ECM2: variants seen among roughly 807,000 people sequenced by gnomAD.
The protein encoded by ECM2 is extracellular matrix protein 2, female organ and adipocyte specific.
A neutral mutation model predicts 67.5 loss-of-function variants in ECM2; 57 were observed. That is an observed-to-expected ratio of 0.84 (90% CI 0.68 to 1.05). ECM2 has a LOEUF of 1.05. ECM2 is among the 50% of genes least tolerant of loss of function. The pLI is 0.00. For synonymous variants in ECM2, 258 were observed against 294.5 expected, an observed-to-expected ratio of 0.88 and a Z score of 1.27; for missense variants, 741 against 822.8, an observed-to-expected ratio of 0.90 and a Z score of 1.22.
chr9:92,518,127 T>C (rs1847839537), intron 2 of ECM2, among the ~76,000 whole-genome samples: 1 of 152,186 alleles, frequency 6.6e-6, no homozygotes, highest in Non-Finnish European at 1.5e-5. Context: ...TGAACTGCGC[T>C]TCCATTTTGT....
At chr9:92,544,162 A>G in the ECM2 span, among the ~76,000 whole-genome samples, 1 of 152,096 alleles carries the variant, frequency 6.6e-6, no homozygotes, top group African/African-American at 2.4e-5. Context: ...ATGACATATT[A>G]ACTGTGCACT....
At chr9:92,544,424 C>G in the ECM2 span, among the ~76,000 whole-genome samples, 1 of 152,126 alleles carries the variant, frequency 6.6e-6, no homozygotes, top group African/African-American at 2.4e-5. Flanking sequence ...TGCAGCGAGC[C>G]ACGATTGCAC....
chr9:92,520,354 A>G (rs977269671), intron 2 of ECM2, among the ~76,000 whole-genome samples: 1 of 152,186 alleles, frequency 6.6e-6, no homozygotes, highest in Non-Finnish European at 1.5e-5. Context: ...GATAGACAAC[A>G]TGCACATAAA....
upstream of ECM2, among the ~76,000 whole-genome samples, chr9:92,538,009 G>A (rs1446479128): frequency 1.3e-5 from 2 of 152,160 alleles, no homozygotes; most frequent in Non-Finnish European, 2.9e-5. Context: ...CCAGTGTGTA[G>A]GGAAAACAGA....
upstream of ECM2, chr9:92,539,100 C>T (rs1158070677): frequency 2.6e-5 from 4 of 152,202 alleles, no homozygotes; most frequent in African/African-American, 4.8e-5. Flanking sequence ...GTGCCTACAA[C>T]CCCTGCCCAC....
intron 1 of ECM2, among the ~76,000 whole-genome samples, chr9:92,532,247 AT>A (rs991052303): frequency 7.3e-5 from 11 of 150,698 alleles, no homozygotes; most frequent in Admixed American, 5.3e-4. Flanking sequence ...TTTAAAAGTA[AT>A]TTTTTTTCTC....
intron 3 of ECM2, among the ~76,000 whole-genome samples, chr9:92,515,512 T>C (rs921670634): frequency 1.3e-5 from 2 of 152,216 alleles, no homozygotes; most frequent in African/African-American, 4.8e-5. Context: ...TATTGCCACA[T>C]GAGGCAAAAT....
the ECM2 span, among the ~76,000 whole-genome samples, chr9:92,542,204 G>A: frequency 6.6e-6 from 1 of 152,156 alleles, no homozygotes; most frequent in East Asian, 1.9e-4. Context: ...CTTTCTTAAA[G>A]GGAGATGTAT....
At chr9:92,550,351 G>T in the ECM2 span, among the ~76,000 whole-genome samples, 17 of 151,474 alleles carry the variant, frequency 1.1e-4, no homozygotes, top group African/African-American at 4.1e-4. Context: ...AGCCGAGATC[G>T]TGCCATTGCA....
Position 92,496,088 on chromosome 9 carries a change from T to C in ECM2, c.*227A>G. Reference sequence around the variant, plus strand: ...TCCTATTCTAGTGAGATGGCCTCTTTCTAGAGGTAGGAAACTGAGAGATTT... The same window carrying C: ...TCCTATTCTAGTGAGATGGCCTCTTCCTAGAGGTAGGAAACTGAGAGATTT... On this transcript the variant is annotated 3_prime_UTR_variant, in exon 10 of 10. Transcript: ENST00000344604. 1.7e-6 allele frequency: 2 copies of C among 1,158,658 alleles called. No homozygotes were observed. The highest frequency in any genetic ancestry group is 2.1e-6 in the Non-Finnish European group (2 of 942,636). 71.8% of individuals were successfully genotyped at this position (1,158,658 alleles called of 1,614,324 possible). A position where few individuals can be genotyped will look rare whatever the true frequency, so the allele number is the denominator to read the frequency against.
At chr9:92,511,870 T>G in intron 5 of ECM2, 141 bp downstream of exon 5, 1 of 565,380 alleles carries the variant, frequency 1.8e-6, no homozygotes, top group Non-Finnish European at 3.1e-6. Context: ...GAATTCAAAT[T>G]AGGGACATCA....
chr9:92,543,348 C>G, the ECM2 span, among the ~76,000 whole-genome samples: 2 of 151,700 alleles, frequency 1.3e-5, no homozygotes, highest in Admixed American at 1.3e-4. Context: ...TGGTACGTAC[C>G]TGTAGTCTCA....
At chr9:92,496,904 C>G (rs533766599) in intron 9 of ECM2, among the ~76,000 whole-genome samples, 11 of 150,684 alleles carry the variant, frequency 7.3e-5, no homozygotes, top group African/African-American at 2.7e-4. Flanking sequence ...TAAATTGAAA[C>G]TTTACTGGCA....
intron 1 of ECM2, among the ~76,000 whole-genome samples, chr9:92,532,654 T>C (rs780950607): frequency 6.6e-6 from 1 of 152,214 alleles, no homozygotes; most frequent in Non-Finnish European, 1.5e-5. Context: ...GTTCTTTTAT[T>C]GTATTTTCTA....
the ECM2 span, among the ~76,000 whole-genome samples, chr9:92,542,131 T>C: frequency 6.6e-6 from 1 of 152,170 alleles, no homozygotes; most frequent in Non-Finnish European, 1.5e-5. Flanking sequence ...GATTGTTAGA[T>C]CATCCGGTAG....
the ECM2 span, among the ~76,000 whole-genome samples, chr9:92,544,427 G>A: frequency 6.6e-6 from 1 of 152,178 alleles, no homozygotes; most frequent in Non-Finnish European, 1.5e-5. Context: ...AGCGAGCCAC[G>A]ATTGCACCAC....
At chr9:92,551,929 A>G in the ECM2 span, among the ~76,000 whole-genome samples, 2,552 of 50,328 alleles carry the variant, frequency 0.051, 171 homozygotes, top group African/African-American at 0.23. Context: ...GTGTGTGTAT[A>G]TATATATATA....
At chr9:92,510,604 A>C (rs1228611709) in intron 5 of ECM2, among the ~76,000 whole-genome samples, 4 of 152,210 alleles carry the variant, frequency 2.6e-5, no homozygotes, top group African/African-American at 9.7e-5. Flanking sequence ...TCTTTTTCAC[A>C]TTTGTAGTTG....
chr9:92,552,600 G>A, the ECM2 span, among the ~76,000 whole-genome samples: 4 of 152,138 alleles, frequency 2.6e-5, no homozygotes, highest in South Asian at 6.2e-4. Context: ...TATTAGTGAT[G>A]TTGAGCGTTT....
Sources: gnomAD v4.1 joint callset for allele counts (sites outside exome capture counted in the v4.1 genomes callset) on GRCh38, gnomAD v4.1.1 for gene constraint, MANE v1.5 for transcripts, NCBI Gene and HGNC (gene_info 2026-07-23, HGNC 2026-07-21) for gene names.